LOC128125817: variants seen among roughly 807,000 people sequenced by gnomAD.
chr1:41,628,327 G>A, the LOC128125817 span, among the ~76,000 whole-genome samples: 6,387 of 152,264 alleles, frequency 0.042, 178 homozygotes, highest in East Asian at 0.095. Context: ...GGTGGGCAGT[G>A]GTGGTCTTCA....
chr1:41,627,764 C>T, the LOC128125817 span, among the ~76,000 whole-genome samples: 1 of 152,188 alleles, frequency 6.6e-6, no homozygotes, highest in South Asian at 2.1e-4. Context: ...CAGAAGGAGG[C>T]CCTGGAGTCC....
At chr1:41,625,856 G>A in the LOC128125817 span, among the ~76,000 whole-genome samples, 19 of 152,264 alleles carry the variant, frequency 1.2e-4, no homozygotes, top group East Asian at 9.6e-4. Flanking sequence ...TTAAAAATTT[G>A]AACTTAAAAA....
chr1:41,608,456 C>T, the LOC128125817 span, among the ~76,000 whole-genome samples: 2 of 152,192 alleles, frequency 1.3e-5, no homozygotes, highest in East Asian at 1.9e-4. Flanking sequence ...GGGAATTTGG[C>T]GGCCACTGGC....
chr1:41,620,115 G>T, the LOC128125817 span, among the ~76,000 whole-genome samples: 1 of 152,150 alleles, frequency 6.6e-6, no homozygotes, highest in Non-Finnish European at 1.5e-5. Context: ...GAGGACAAAG[G>T]CTTGGGAGCA....
the LOC128125817 span, among the ~76,000 whole-genome samples, chr1:41,597,651 G>A: frequency 6.6e-6 from 1 of 152,168 alleles, no homozygotes; most frequent in Non-Finnish European, 1.5e-5. Flanking sequence ...TGACCCTCAA[G>A]GCAGCCAGGC....
At chr1:41,596,081 C>G in the LOC128125817 span, among the ~76,000 whole-genome samples, 2 of 152,166 alleles carry the variant, frequency 1.3e-5, no homozygotes, top group Non-Finnish European at 2.9e-5. Flanking sequence ...AGGCAGGAGC[C>G]CCACGATGTG....
chr1:41,601,203 C>A, the LOC128125817 span, among the ~76,000 whole-genome samples: 1 of 152,142 alleles, frequency 6.6e-6, no homozygotes, highest in Admixed American at 6.5e-5. Context: ...CAGCTTTGTT[C>A]TTGTGTCAGA....
At chr1:41,604,680 G>A in the LOC128125817 span, among the ~76,000 whole-genome samples, 2 of 152,214 alleles carry the variant, frequency 1.3e-5, no homozygotes, top group African/African-American at 4.8e-5. Flanking sequence ...CTCCAGAACT[G>A]TGAGAAATAA....
At chr1:41,593,442 G>C in the LOC128125817 span, among the ~76,000 whole-genome samples, 23 of 152,150 alleles carry the variant, frequency 1.5e-4, no homozygotes, top group Admixed American at 2.6e-4. Flanking sequence ...TAGATATGAA[G>C]GTTGTTTCCA....
chr1:41,593,207 T>C, the LOC128125817 span, among the ~76,000 whole-genome samples: 1 of 152,230 alleles, frequency 6.6e-6, no homozygotes, highest in Non-Finnish European at 1.5e-5. Context: ...CCTTGGCTCT[T>C]TCCCCTGAAT....
chr1:41,593,007 C>A, the LOC128125817 span, among the ~76,000 whole-genome samples: 1 of 152,292 alleles, frequency 6.6e-6, no homozygotes, highest in Admixed American at 6.5e-5. Flanking sequence ...CATCAATCCC[C>A]AAATCTGGTT....
chr1:41,625,818 G>A, the LOC128125817 span, among the ~76,000 whole-genome samples: 1 of 152,150 alleles, frequency 6.6e-6, no homozygotes, highest in East Asian at 1.9e-4. Context: ...TAAGAAATAA[G>A]AATAAAAATG....
the LOC128125817 span, among the ~76,000 whole-genome samples, chr1:41,608,797 C>T: frequency 6.6e-6 from 1 of 152,090 alleles, no homozygotes; most frequent in Non-Finnish European, 1.5e-5. Flanking sequence ...TTCAGCTGGG[C>T]ACGGTGGCTC....
chr1:41,617,648 T>C, the LOC128125817 span, among the ~76,000 whole-genome samples: 1 of 152,232 alleles, frequency 6.6e-6, no homozygotes, highest in South Asian at 2.1e-4. Context: ...GCACAGGAGA[T>C]ATCAACAGTG....
chr1:41,599,415 T>A, the LOC128125817 span, among the ~76,000 whole-genome samples: 9 of 152,302 alleles, frequency 5.9e-5, no homozygotes, highest in East Asian at 1.7e-3. Flanking sequence ...GAAGCTAAAT[T>A]GTGCTTCATT....
At chr1:41,626,762 A>G in the LOC128125817 span, among the ~76,000 whole-genome samples, 187 of 152,312 alleles carry the variant, frequency 1.2e-3, 1 homozygote, top group South Asian at 3.1e-3. Context: ...AGCCAGGGGC[A>G]TGCTGGGGCA....
the LOC128125817 span, among the ~76,000 whole-genome samples, chr1:41,600,579 G>T: frequency 1.3e-5 from 2 of 152,148 alleles, no homozygotes; most frequent in African/African-American, 2.4e-5. Flanking sequence ...TGTTTTATGG[G>T]TATACAGTTT....
chr1:41,590,558 C>G, the LOC128125817 span, among the ~76,000 whole-genome samples: 2 of 152,192 alleles, frequency 1.3e-5, no homozygotes, highest in Non-Finnish European at 2.9e-5. Flanking sequence ...GACAAGAAGA[C>G]AAGAAGACAG....
chr1:41,623,893 C>A, the LOC128125817 span, among the ~76,000 whole-genome samples: 1 of 61,718 alleles, frequency 1.6e-5, no homozygotes, highest in Non-Finnish European at 2.7e-5. Context: ...AGGCTCTCTG[C>A]ATGCCGATCA....
Sources: allele counts gnomAD v4.1 joint callset (sites outside exome capture counted in the v4.1 genomes callset), GRCh38; gene constraint gnomAD v4.1.1; transcripts MANE v1.5.